Variants in VPS13B observed in about 807,000 individuals in gnomAD.
VPS13B encodes intermembrane lipid transfer protein VPS13B.
Under a neutral mutation model 426.4 loss-of-function variants are expected in VPS13B, and 285 were observed. The observed-to-expected ratio is 0.67, with a 90% CI of 0.61 to 0.74. The LOEUF (loss-of-function observed/expected upper bound fraction) is 0.74. Ranked by LOEUF, VPS13B falls within the 30% of genes least tolerant of loss-of-function variation. VPS13B has a pLI of 0.00. For missense variants in VPS13B, 4,537 were observed against 4,782.6 expected (o/e 0.95, Z 1.51); for synonymous variants, 1,676 against 1,676.4 (o/e 1.00, Z 0.01).
At chr8:99,625,266 T>C (rs1828562082) in intron 33 of VPS13B, among the ~76,000 whole-genome samples, 1 of 152,102 alleles carries the variant, frequency 6.6e-6, no homozygotes, top group South Asian at 2.1e-4. Flanking sequence ...GTCAAGACAA[T>C]ACTCATGAAA....
At chr8:99,233,302 A>C in intron 17 of VPS13B, 2 of 1,120,706 alleles carry the variant, frequency 1.8e-6, no homozygotes, top group South Asian at 2.5e-5. Flanking sequence ...GGAAGAGAGC[A>C]CTCTGATATG....
At chr8:99,183,112 G>A (rs1002728787) in intron 16 of VPS13B, among the ~76,000 whole-genome samples, 2 of 152,188 alleles carry the variant, frequency 1.3e-5, no homozygotes, top group African/African-American at 4.8e-5. Flanking sequence ...CCTTGGTATT[G>A]TATTTGAATT....
intron 31 of VPS13B, among the ~76,000 whole-genome samples, chr8:99,562,271 C>A (rs527828886): frequency 4.7e-5 from 7 of 148,996 alleles, no homozygotes; most frequent in East Asian, 2.0e-4. Context: ...TGTCTTTTGC[C>A]CCCCCCATCC....
chr8:99,384,175 C>A (rs759645208), intron 19 of VPS13B, 33 bp from the exon 20 acceptor site: 1 of 1,551,274 alleles, frequency 6.4e-7, no homozygotes, highest in Non-Finnish European at 8.9e-7. Context: ...TTTATGAGGA[C>A]TTATGTAACA....
chr8:99,333,511 G>T (rs763068810), intron 19 of VPS13B, among the ~76,000 whole-genome samples: 1 of 151,676 alleles, frequency 6.6e-6, no homozygotes, highest in Non-Finnish European at 1.5e-5. Context: ...TGCTTTACTG[G>T]TATTCATTTG....
intron 3 of VPS13B, among the ~76,000 whole-genome samples, chr8:99,047,808 C>T (rs1448203650): frequency 6.6e-6 from 1 of 152,146 alleles, no homozygotes; most frequent in Non-Finnish European, 1.5e-5. Flanking sequence ...GTGCCTCACC[C>T]TCCCAAGTAG....
At chr8:99,661,602 A>G in intron 35 of VPS13B, 111 bp downstream of exon 35, 1 of 1,351,246 alleles carries the variant, frequency 7.4e-7, no homozygotes, top group Non-Finnish European at 1.0e-6. Context: ...TGAATAGTTC[A>G]TTTTTTCCCA....
At chr8:99,336,865 A>G (rs1458835316) in intron 19 of VPS13B, among the ~76,000 whole-genome samples, 1 of 152,080 alleles carries the variant, frequency 6.6e-6, no homozygotes, top group Non-Finnish European at 1.5e-5. Flanking sequence ...AGGAAACAAC[A>G]GGTGCTGGAG....
intron 33 of VPS13B, among the ~76,000 whole-genome samples, chr8:99,615,775 G>A (rs547160784): frequency 1.1e-3 from 162 of 152,160 alleles, no homozygotes; most frequent in African/African-American, 3.5e-3. Flanking sequence ...GAGTTGTGAC[G>A]TGTGAATGTT....
At chr8:99,717,643 A>G (rs138440246) in intron 37 of VPS13B, among the ~76,000 whole-genome samples, 18 of 152,290 alleles carry the variant, frequency 1.2e-4, no homozygotes, top group African/African-American at 4.3e-4. Flanking sequence ...ATTACCACCA[A>G]CAAAAAAACC....
At chr8:99,484,341 A>C (rs990068382) in intron 25 of VPS13B, among the ~76,000 whole-genome samples, 2 of 152,162 alleles carry the variant, frequency 1.3e-5, no homozygotes, top group African/African-American at 4.8e-5. Flanking sequence ...TGTACTATCT[A>C]TAGATTTAAT....
At chr8:99,357,065 C>T (rs772192380) in intron 19 of VPS13B, among the ~76,000 whole-genome samples, 2 of 152,178 alleles carry the variant, frequency 1.3e-5, no homozygotes, top group Non-Finnish European at 2.9e-5. Context: ...AACTTTTCTA[C>T]GTTAATTTCT....
chr8:99,351,435 A>AGAGAGTGTGT (rs1347043475), intron 19 of VPS13B, among the ~76,000 whole-genome samples: 6 of 145,654 alleles, frequency 4.1e-5, no homozygotes, highest in African/African-American at 1.5e-4. Context: ...AGAGAGAGAG[A>AGAGAGTGTGT]GTGTGTGTGT....
chr8:99,584,168 AT>A (rs1164996313), intron 33 of VPS13B, among the ~76,000 whole-genome samples: 1 of 152,134 alleles, frequency 6.6e-6, no homozygotes, highest in Non-Finnish European at 1.5e-5. Flanking sequence ...GATATTAAGT[AT>A]TTTACTGCCT....
In VPS13B at chr8:99,575,592, C is replaced by G. The variant is rs1825739166; in HGVS notation, c.4950-66C>G. On this transcript the variant is annotated intron_variant, in intron 31 of 61. Transcript: ENST00000357162. ...CATGTTTGTAGTACAAAGACTTGTACAAATTTAATGAAAATTGTCTTTGAA... is the reference window on the plus strand; with the variant it reads ...CATGTTTGTAGTACAAAGACTTGTAGAAATTTAATGAAAATTGTCTTTGAA... 3 of 1,599,864 alleles carry G rather than the reference C, an allele frequency of 1.9e-6. No homozygotes were observed. The African/African-American group carries it at 4.0e-5, about 21-fold the overall frequency.
intron 19 of VPS13B, among the ~76,000 whole-genome samples, chr8:99,362,450 C>T (rs1812623462): frequency 6.6e-6 from 1 of 152,098 alleles, no homozygotes; most frequent in East Asian, 1.9e-4. Flanking sequence ...CCTAATTTGT[C>T]TTTATGCCTT....
At chr8:99,148,129 G>A in intron 14 of VPS13B, 119 bp downstream of exon 14, 1 of 1,119,040 alleles carries the variant, frequency 8.9e-7, no homozygotes, top group Non-Finnish European at 1.3e-6. Flanking sequence ...TGTAATCCTG[G>A]CAATTCAGGA....
chr8:99,590,124 T>C (rs997794436), intron 33 of VPS13B, among the ~76,000 whole-genome samples: 1 of 152,222 alleles, frequency 6.6e-6, no homozygotes, highest in African/African-American at 2.4e-5. Context: ...TTCATTTGCA[T>C]AGAGGTGTTT....
intron 33 of VPS13B, among the ~76,000 whole-genome samples, chr8:99,611,424 A>G (rs1827839960): frequency 6.6e-6 from 1 of 152,158 alleles, no homozygotes; most frequent in Non-Finnish European, 1.5e-5. Context: ...TGATGAAAAT[A>G]GCAATAGATA....
Sources: allele counts gnomAD v4.1 joint callset (sites outside exome capture counted in the v4.1 genomes callset), GRCh38; gene constraint gnomAD v4.1.1; transcripts MANE v1.5; gene names NCBI Gene and HGNC (gene_info 2026-07-23, HGNC 2026-07-21).